RMDN2: variants seen among roughly 807,000 people sequenced by gnomAD.
RMDN2 encodes the protein regulator of microtubule dynamics protein 2.
In RMDN2, 61 loss-of-function variants were observed where a neutral mutation model predicts 52.8. That is an observed-to-expected ratio of 1.16 (90% CI 0.94 to 1.43). The LOEUF (loss-of-function observed/expected upper bound fraction) is 1.43, where lower values mean the gene tolerates loss of function less well. RMDN2 is among the 40% of genes most tolerant of loss of function. RMDN2 has a pLI of 0.00. For synonymous variants in RMDN2, 180 were observed against 153.1 expected (o/e 1.18, Z -1.30); for missense variants, 592 against 475.3 (o/e 1.25, Z -2.28).
At chr2:38,020,707 C>T (rs542095622), downstream of RMDN2, among the ~76,000 whole-genome samples, 5 of 152,318 alleles carry the variant, frequency 3.3e-5, no homozygotes, top group African/African-American at 4.8e-5. Flanking sequence ...GGCTCACTGG[C>T]GGTGTGCTGG....
chr2:38,048,051 A>G (rs559267345), intron 10 of RMDN2, among the ~76,000 whole-genome samples: 1 of 152,358 alleles, frequency 6.6e-6, no homozygotes, highest in African/African-American at 2.4e-5. Context: ...ATGTAACACA[A>G]CTTCCTTTCA....
chr2:37,988,462 CAG>C (rs1329467021), intron 5 of RMDN2, among the ~76,000 whole-genome samples: 2 of 152,078 alleles, frequency 1.3e-5, no homozygotes, highest in Admixed American at 6.5e-5. Context: ...AAACTGAAAA[CAG>C]AGATCAAAAA....
upstream of RMDN2, among the ~76,000 whole-genome samples, chr2:37,924,379 T>C (rs1666123258): frequency 1.3e-5 from 2 of 152,320 alleles, no homozygotes; most frequent in Admixed American, 6.5e-5. Context: ...TGTACTGTTT[T>C]GTTTTTGTTT....
intron 10 of RMDN2, chr2:38,066,751 C>T: frequency 2.0e-6 from 1 of 510,360 alleles, no homozygotes. Flanking sequence ...AAACTGGCCC[C>T]AATTATAATT....
chr2:37,977,147 A>G (rs1208596178), intron 4 of RMDN2, among the ~76,000 whole-genome samples: 1 of 152,176 alleles, frequency 6.6e-6, no homozygotes, highest in Non-Finnish European at 1.5e-5. Context: ...TATGTTTCAG[A>G]GAGCACAGGG....
At chr2:37,963,934 CAGGCGG>C (rs1670656116) in intron 2 of RMDN2, among the ~76,000 whole-genome samples, 1 of 149,582 alleles carries the variant, frequency 6.7e-6, no homozygotes, top group Non-Finnish European at 1.5e-5. Context: ...GGGCGGCGGC[CAGGCGG>C]AGGTGCCCCC....
chr2:38,002,866 C>T (rs1422233354), intron 8 of RMDN2: 1 of 152,190 alleles, frequency 6.6e-6, no homozygotes, highest in Non-Finnish European at 1.5e-5. Context: ...GTGTTCTACC[C>T]CCCTCTAGGG....
chr2:38,033,392 G>A (rs947434716), intron 10 of RMDN2, among the ~76,000 whole-genome samples: 1 of 152,146 alleles, frequency 6.6e-6, no homozygotes, highest in Non-Finnish European at 1.5e-5. Context: ...ACTAGATTAA[G>A]CCTATGGTCT....
chr2:38,039,047 T>TACACACACAC (rs71414270), intron 10 of RMDN2, among the ~76,000 whole-genome samples: 94 of 127,372 alleles, frequency 7.4e-4, no homozygotes, highest in Non-Finnish European at 1.0e-3. Flanking sequence ...CCAGATGCTA[T>TACACACACAC]ACACACACAC....
intron 10 of RMDN2, among the ~76,000 whole-genome samples, chr2:38,031,256 C>CTTTTTTTT (rs552306141): frequency 9.4e-5 from 10 of 105,860 alleles, no homozygotes; most frequent in Admixed American, 1.1e-4. Context: ...CTTTGTTTCC[C>CTTTTTTTT]TTTTTTTTTT....
intron 4 of RMDN2, among the ~76,000 whole-genome samples, chr2:37,976,774 G>C (rs1303762137): frequency 2.6e-5 from 4 of 151,876 alleles, no homozygotes; most frequent in Non-Finnish European, 5.9e-5. Context: ...CATATCTACT[G>C]AGAAAATCCA....
intron 6 of RMDN2, 145 bp from the exon 7 acceptor site, chr2:37,991,075 A>C (rs1028062085): frequency 1.2e-5 from 5 of 407,226 alleles, no homozygotes; most frequent in Admixed American, 4.3e-5. Context: ...TTAGTTATTG[A>C]TAAGATTTCA....
intron 2 of RMDN2, chr2:37,951,342 G>C: frequency 5.6e-6 from 9 of 1,613,028 alleles, no homozygotes; most frequent in Non-Finnish European, 7.6e-6. Flanking sequence ...TATATCTCTT[G>C]GTCATAAAAC....
chr2:37,926,561 GA>G lies in RMDN2; in HGVS notation c.-17+1137del, dbSNP rs1469589000. 2.5e-4 allele frequency among the ~76,000 whole-genome samples: 37 copies of G among 150,922 alleles called. 1 individual carries two copies. The highest frequency in any genetic ancestry group is 2.4e-3 in the Admixed American group (37 of 15,232). On this transcript the variant is annotated intron_variant, in intron 1 of 10. Transcript: ENST00000354545. ...TTTGTATCTGATTATTAAAATATTA[GA>G]GTTTTAAAATCTGTTTGGTAAAGTT... is the stretch of plus-strand genomic sequence containing the variant.
Position 38,017,195 on chromosome 2 carries a change from G to A in RMDN2, c.1189G>A (p.Ala397Thr). Residue 397 changes from alanine (A) to threonine (T), a missense_variant, in exon 11 of 11, where the codon GCA (alanine) becomes ACA (threonine). Coordinates refer to ENST00000354545, the MANE Select transcript of RMDN2 (RefSeq NM_001170791.3). ...TGTATTTTCTTTATAGGATAAAGAG[G>A]CACAGAAAGAGATGCAAAAAATAAT... ...LPTVTKEDKE[A>T]QKEMQKIMTS... 1 of 1,527,054 alleles carries A rather than the reference G, an allele frequency of 6.5e-7. No individual in the cohort carries two copies. The highest frequency in any genetic ancestry group is 8.8e-7 in the Non-Finnish European group (1 of 1,132,606). The allele number at this position is 1,527,054 out of a possible 1,614,324, so 94.6% of individuals were successfully genotyped here.
intron 6 of RMDN2, 48 bp from the exon 7 acceptor site, chr2:37,991,172 C>T: frequency 9.1e-7 from 1 of 1,100,128 alleles, no homozygotes; most frequent in Non-Finnish European, 1.3e-6. Flanking sequence ...TTCCAGTCAA[C>T]AATATCTGAA....
At chr2:38,042,052 T>A (rs1680986645) in intron 10 of RMDN2, among the ~76,000 whole-genome samples, 1 of 152,268 alleles carries the variant, frequency 6.6e-6, no homozygotes. Context: ...TCTGGTACAA[T>A]AACCAGAGAA....
intron 7 of RMDN2, 118 bp from the exon 8 acceptor site, chr2:37,997,298 T>C: frequency 1.4e-6 from 1 of 692,826 alleles, no homozygotes; most frequent in Non-Finnish European, 2.6e-6. Flanking sequence ...TTTGTATATG[T>C]TATATCTATA....
chr2:37,973,530 T>A (rs933364872), intron 2 of RMDN2, among the ~76,000 whole-genome samples: 2 of 152,176 alleles, frequency 1.3e-5, no homozygotes, highest in Non-Finnish European at 2.9e-5. Flanking sequence ...ATTAGTAAAT[T>A]ATACAGTATG....
Sources: allele counts gnomAD v4.1 joint callset (sites outside exome capture counted in the v4.1 genomes callset), GRCh38; gene constraint gnomAD v4.1.1; transcripts MANE v1.5; gene names NCBI Gene and HGNC (gene_info 2026-07-23, HGNC 2026-07-21).